Variants in CCDC146 observed in about 807,000 individuals in gnomAD.
CCDC146 encodes the protein coiled-coil domain-containing protein 146.
Under a neutral mutation model 119.3 loss-of-function variants are expected in CCDC146, and 92 were observed. The ratio of observed to expected loss-of-function variants is 0.77; its 90% confidence interval spans 0.65 to 0.92. The LOEUF (loss-of-function observed/expected upper bound fraction) is 0.92. Among genes scored for constraint, CCDC146 ranks in the 40% least tolerant of loss-of-function variants. CCDC146 has a pLI of 0.00. For missense variants in CCDC146, 1,000 were observed against 1,103.0 expected, an observed-to-expected ratio of 0.91 and a Z score of 1.32; for synonymous variants, 372 against 371.8, an observed-to-expected ratio of 1.00 and a Z score of -0.01.
chr7:77,163,108 G>A (rs1317525128), intron 1 of CCDC146, among the ~76,000 whole-genome samples: 2 of 152,302 alleles, frequency 1.3e-5, no homozygotes, highest in Non-Finnish European at 2.9e-5. Flanking sequence ...AGTGCTCTGA[G>A]AAATTGTCTG....
intron 15 of CCDC146, among the ~76,000 whole-genome samples, chr7:77,285,966 G>C (rs973225005): frequency 2.6e-5 from 4 of 152,204 alleles, no homozygotes; most frequent in Non-Finnish European, 5.9e-5. Context: ...TTGAAATGAA[G>C]TCCAGTGTGT....
At chr7:77,124,982 C>G (rs1479024184) in intron 1 of CCDC146, among the ~76,000 whole-genome samples, 1 of 151,972 alleles carries the variant, frequency 6.6e-6, no homozygotes, top group Non-Finnish European at 1.5e-5. Context: ...CACCTGAGGT[C>G]AGGAGTTCAG....
chr7:77,278,634 G>T, intron 11 of CCDC146, 118 bp from the exon 12 acceptor site: 1 of 688,392 alleles, frequency 1.5e-6, no homozygotes, highest in Non-Finnish European at 2.5e-6. Context: ...TTGTAGAGAT[G>T]AGGTCTCACT....
chr7:77,253,385 C>T (rs946567138), intron 4 of CCDC146, among the ~76,000 whole-genome samples: 1 of 152,228 alleles, frequency 6.6e-6, no homozygotes, highest in African/African-American at 2.4e-5. Flanking sequence ...CTTCTTCACA[C>T]CTTTGAACAA....
chr7:77,248,811 G>A (rs1159963233), intron 4 of CCDC146, among the ~76,000 whole-genome samples: 3 of 152,136 alleles, frequency 2.0e-5, no homozygotes, highest in Non-Finnish European at 4.4e-5. Flanking sequence ...CTAGCATCGT[G>A]TCCTCTCATC....
intron 6 of CCDC146, 141 bp from the exon 7 acceptor site, chr7:77,258,853 TA>T (rs375097409): frequency 1.9e-4 from 119 of 629,322 alleles, no homozygotes; most frequent in African/African-American, 1.7e-3. Context: ...CCGTGAGTAT[TA>T]AATGGGATAA....
chr7:77,242,271 T>C, intron 4 of CCDC146: 1 of 493,466 alleles, frequency 2.0e-6, no homozygotes, highest in Non-Finnish European at 2.8e-6. Context: ...ATCTGCATGG[T>C]GAGCACTTCT....
intron 2 of CCDC146, among the ~76,000 whole-genome samples, chr7:77,228,722 G>C (rs1391848080): frequency 6.6e-6 from 1 of 152,168 alleles, no homozygotes; most frequent in Non-Finnish European, 1.5e-5. Context: ...TTAGATCTTT[G>C]AGGAATCACC....
At chr7:77,280,296 T>C in intron 13 of CCDC146, 133 bp from the exon 14 acceptor site, 1 of 638,740 alleles carries the variant, frequency 1.6e-6, no homozygotes, top group South Asian at 2.2e-5. Flanking sequence ...AATATCATTA[T>C]TACTAGTATC....
At chr7:77,134,204 CATAT>C (rs1790828488) in intron 1 of CCDC146, among the ~76,000 whole-genome samples, 1 of 151,632 alleles carries the variant, frequency 6.6e-6, no homozygotes, top group Non-Finnish European at 1.5e-5. Flanking sequence ...TGTTCAAACA[CATAT>C]ATTGCTAGAG....
chr7:77,209,466 A>G (rs1372732398), intron 2 of CCDC146, among the ~76,000 whole-genome samples: 1 of 152,178 alleles, frequency 6.6e-6, no homozygotes, highest in Non-Finnish European at 1.5e-5. Flanking sequence ...ACCTGCTTTC[A>G]TGGGCTGGCA....
chr7:77,149,463 C>T lies in CCDC146; in HGVS notation c.-11-18195C>T, dbSNP rs564228877. 1.2e-3 allele frequency among the ~76,000 whole-genome samples: 187 copies of T among 152,092 alleles called. 1 individual carries two copies. Among genetic ancestry groups the T allele is most frequent in the Non-Finnish European group, 2.2e-3 (151 of 67,960 alleles). The stretch of plus-strand genomic sequence containing the variant: ...AATTAAGTTTGAGGACTTATAATAC[C>T]TAATTTTAAGACTTATTATAGGCTG... On this transcript the variant is annotated intron_variant, in intron 1 of 18. Transcript: ENST00000285871.
Position 77,266,871 on chromosome 7 carries a change from C to T in CCDC146, c.1173+4564C>T, listed in dbSNP as rs1344265750. 2.0e-5 allele frequency among the ~76,000 whole-genome samples: 3 copies of T among 152,068 alleles called. No homozygotes were observed. The East Asian group carries it at 5.8e-4, about 29-fold the overall frequency. ...AATGGATCCTTAATTCACATAATCACAGAATGAAGGAACCAAGAGGAATCT... is the reference window on the plus strand; with the variant it reads ...AATGGATCCTTAATTCACATAATCATAGAATGAAGGAACCAAGAGGAATCT... On this transcript the variant is annotated intron_variant, in intron 9 of 18. Coordinates refer to ENST00000285871, the MANE Select transcript of CCDC146 (RefSeq NM_020879.3).
intron 2 of CCDC146, among the ~76,000 whole-genome samples, chr7:77,189,516 G>A (rs976897713): frequency 6.6e-6 from 1 of 152,130 alleles, no homozygotes; most frequent in Non-Finnish European, 1.5e-5. Context: ...CTTTAAAACT[G>A]GTTGAGATCA....
intron 9 of CCDC146, among the ~76,000 whole-genome samples, chr7:77,272,643 A>G (rs1793546615): frequency 6.6e-6 from 1 of 152,218 alleles, no homozygotes; most frequent in Non-Finnish European, 1.5e-5. Flanking sequence ...AGTAGGCTGG[A>G]AGCACCCCAA....
intron 1 of CCDC146, among the ~76,000 whole-genome samples, chr7:77,126,785 G>A (rs540656688): frequency 6.6e-6 from 1 of 152,210 alleles, no homozygotes; most frequent in East Asian, 1.9e-4. Flanking sequence ...CAGAGGGGAG[G>A]AAGTGCATGC....
At chr7:77,258,483 T>G (rs185675369) in intron 6 of CCDC146, among the ~76,000 whole-genome samples, 1 of 152,352 alleles carries the variant, frequency 6.6e-6, no homozygotes, top group East Asian at 1.9e-4. Context: ...TTTTTCATTT[T>G]CAGTATTGAA....
chr7:77,291,487 G>A (rs963620298), intron 17 of CCDC146, among the ~76,000 whole-genome samples: 12 of 151,266 alleles, frequency 7.9e-5, no homozygotes, highest in African/African-American at 1.9e-4. Context: ...GGTAGATTGC[G>A]TGAGCTCAGG....
At chr7:77,251,978 G>A (rs915422349) in intron 4 of CCDC146, among the ~76,000 whole-genome samples, 6 of 152,084 alleles carry the variant, frequency 3.9e-5, no homozygotes, top group Non-Finnish European at 8.8e-5. Flanking sequence ...GTGAAACCCC[G>A]TCTTTACTGA....
Sources: gnomAD v4.1 joint callset for allele counts (sites outside exome capture counted in the v4.1 genomes callset) on GRCh38, gnomAD v4.1.1 for gene constraint, MANE v1.5 for transcripts, NCBI Gene and HGNC (gene_info 2026-07-23, HGNC 2026-07-21) for gene names.